Variants in DCC observed in about 807,000 individuals in gnomAD.
DCC encodes DCC netrin 1 receptor.
DCC carries 58 observed loss-of-function variants against 172.5 expected under a neutral mutation model. The ratio of observed to expected loss-of-function variants is 0.34; its 90% confidence interval spans 0.27 to 0.42. The LOEUF is 0.42. Ranked by LOEUF, DCC falls within the 10% of genes least tolerant of loss-of-function variation. The pLI is 1.00. For missense variants in DCC, 1,740 were observed against 1,791.0 expected, an observed-to-expected ratio of 0.97 and a Z score of 0.51; for synonymous variants, 709 against 644.5, an observed-to-expected ratio of 1.10 and a Z score of -1.52.
At chr18:53,195,274 A>G (rs766261467) in intron 9 of DCC, among the ~76,000 whole-genome samples, 48 of 152,200 alleles carry the variant, frequency 3.2e-4, no homozygotes, top group Admixed American at 6.5e-4. Context: ...AGGCCTTGAC[A>G]ATTCATTTGA....
intron 1 of DCC, among the ~76,000 whole-genome samples, chr18:52,428,438 A>T (rs1055148653): frequency 2.6e-5 from 4 of 152,176 alleles, no homozygotes; most frequent in Non-Finnish European, 1.5e-5. Flanking sequence ...AGGATACAAC[A>T]TCATAGAAAA....
intron 1 of DCC, among the ~76,000 whole-genome samples, chr18:52,657,398 T>C (rs2035276338): frequency 6.6e-6 from 1 of 152,162 alleles, no homozygotes; most frequent in Admixed American, 6.5e-5. Context: ...GATTCTAAAC[T>C]AGAAAGAATT....
chr18:52,516,220 C>G (rs189826333), intron 1 of DCC, among the ~76,000 whole-genome samples: 5 of 152,268 alleles, frequency 3.3e-5, no homozygotes, highest in African/African-American at 1.2e-4. Context: ...TACAGTTCAG[C>G]AGTTGTACTC....
At chr18:52,417,520 A>T (rs1486397791) in intron 1 of DCC, among the ~76,000 whole-genome samples, 1 of 152,138 alleles carries the variant, frequency 6.6e-6, no homozygotes, top group East Asian at 1.9e-4. Flanking sequence ...AATCAGACAT[A>T]GATTTGGTCT....
chr18:53,425,614 G>A (rs986392456), intron 21 of DCC, among the ~76,000 whole-genome samples: 45 of 151,800 alleles, frequency 3.0e-4, no homozygotes, highest in African/African-American at 4.8e-4. Context: ...TGCCCGCCTC[G>A]GCCTCCCAAA....
intron 1 of DCC, among the ~76,000 whole-genome samples, chr18:52,380,520 T>C (rs2144322669): frequency 1.3e-5 from 2 of 152,138 alleles, no homozygotes; most frequent in South Asian, 4.1e-4. Context: ...CTAAACTCCA[T>C]TCCCCACTTT....
chr18:53,141,064 A>G (rs1598842733), intron 7 of DCC, among the ~76,000 whole-genome samples: 1 of 152,322 alleles, frequency 6.6e-6, no homozygotes, highest in Non-Finnish European at 1.5e-5. Flanking sequence ...TGTCAGAGTC[A>G]GTCAAATGTT....
chr18:52,955,474 A>G (rs1350125993), intron 5 of DCC, among the ~76,000 whole-genome samples: 1 of 151,996 alleles, frequency 6.6e-6, no homozygotes. Context: ...GGTTGTTTCC[A>G]AATTTTGGCA....
chr18:53,130,853 TG>T (rs2043640899), intron 7 of DCC, among the ~76,000 whole-genome samples: 1 of 152,106 alleles, frequency 6.6e-6, no homozygotes, highest in African/African-American at 2.4e-5. Flanking sequence ...TGAAATGTAT[TG>T]TTTTTTTCTC....
chr18:53,232,430 T>C (rs1598929986), intron 12 of DCC, among the ~76,000 whole-genome samples: 1 of 152,272 alleles, frequency 6.6e-6, no homozygotes, highest in East Asian at 1.9e-4. Flanking sequence ...ATGGACTTAT[T>C]ATGGATCTGA....
intron 1 of DCC, among the ~76,000 whole-genome samples, chr18:52,398,837 T>A (rs1167801554): frequency 6.6e-6 from 1 of 151,944 alleles, no homozygotes; most frequent in Non-Finnish European, 1.5e-5. Context: ...ACATAAGGGA[T>A]GTCCTTTTCT....
intron 1 of DCC, among the ~76,000 whole-genome samples, chr18:52,682,490 C>T (rs1056560833): frequency 5.9e-5 from 9 of 151,966 alleles, no homozygotes; most frequent in African/African-American, 2.2e-4. Context: ...CCTGGAGAAC[C>T]AAGAGCCACC....
chr18:53,165,687 A>G (rs1378031481), intron 8 of DCC, among the ~76,000 whole-genome samples: 1 of 152,222 alleles, frequency 6.6e-6, no homozygotes, highest in Admixed American at 6.5e-5. Context: ...GAAAAATGAA[A>G]CATGCCATCC....
intron 5 of DCC, among the ~76,000 whole-genome samples, chr18:53,029,147 A>G (rs1479053629): frequency 6.6e-6 from 1 of 152,158 alleles, no homozygotes; most frequent in Non-Finnish European, 1.5e-5. Flanking sequence ...TGTCTTTACA[A>G]TTAATTCACA....
At chr18:53,175,881 G>A (rs912273421) in intron 8 of DCC, among the ~76,000 whole-genome samples, 11 of 152,152 alleles carry the variant, frequency 7.2e-5, no homozygotes, top group Non-Finnish European at 1.3e-4. Context: ...TGAATCCTAA[G>A]CCAAAAGAAC....
intron 6 of DCC, among the ~76,000 whole-genome samples, chr18:53,064,783 A>T (rs2042543534): frequency 1.3e-5 from 2 of 152,184 alleles, no homozygotes; most frequent in Admixed American, 6.6e-5. Flanking sequence ...TTTAAAGGCG[A>T]TGTTATTTCC....
chr18:53,102,357 G>A (rs529175227), intron 7 of DCC, among the ~76,000 whole-genome samples: 3 of 152,026 alleles, frequency 2.0e-5, no homozygotes, highest in Non-Finnish European at 4.4e-5. Context: ...CATTTTTAAA[G>A]GTATTTTATA....
chr18:52,831,580 T>C (rs923991611), intron 2 of DCC, among the ~76,000 whole-genome samples: 1 of 152,078 alleles, frequency 6.6e-6, no homozygotes, highest in Admixed American at 6.6e-5. Flanking sequence ...GATGACAGAT[T>C]AGATGTGGGG....
intron 1 of DCC, among the ~76,000 whole-genome samples, chr18:52,636,459 C>G (rs1229283661): frequency 6.6e-6 from 1 of 152,100 alleles, no homozygotes; most frequent in East Asian, 1.9e-4. Flanking sequence ...CCATATTGCT[C>G]TCTGCCTGGG....
Sources: allele counts gnomAD v4.1 joint callset (sites outside exome capture counted in the v4.1 genomes callset), GRCh38; gene constraint gnomAD v4.1.1; transcripts MANE v1.5; gene names NCBI Gene and HGNC (gene_info 2026-07-23, HGNC 2026-07-21).